The following PPP2R1B variants were observed in gnomAD, a reference collection of about 807,000 sequenced individuals.
PPP2R1B encodes the protein protein phosphatase 2 scaffold subunit Abeta, also known as serine/threonine-protein phosphatase 2A 65 kDa regulatory subunit A beta isoform.
PPP2R1B carries 58 observed loss-of-function variants against 72.7 expected under a neutral mutation model. The ratio of observed to expected loss-of-function variants is 0.80; its 90% CI spans 0.65 to 0.99. PPP2R1B has a LOEUF of 0.99. Ranked by LOEUF, PPP2R1B falls within the 50% of genes least tolerant of loss-of-function variation. The pLI is 0.00. For synonymous variants in PPP2R1B, 256 were observed against 264.6 expected (o/e 0.97, Z 0.32); for missense variants, 695 against 733.6 (o/e 0.95, Z 0.61).
chr11:111,753,619 C>T (rs782820865), intron 8 of PPP2R1B, 42 bp from the exon 9 acceptor site: 1 of 1,557,128 alleles, frequency 6.4e-7, no homozygotes, highest in South Asian at 1.2e-5. Flanking sequence ...TACAAGACAA[C>T]AGAAACTTCC....
chr11:111,749,064 C>CT (rs1468509690), intron 10 of PPP2R1B, among the ~76,000 whole-genome samples: 1 of 152,040 alleles, frequency 6.6e-6, no homozygotes. Flanking sequence ...AGGCTGGTCT[C>CT]TTAACTCCTG....
At chr11:111,706,034 G>T in the PPP2R1B span, among the ~76,000 whole-genome samples, 1 of 152,198 alleles carries the variant, frequency 6.6e-6, no homozygotes, top group Non-Finnish European at 1.5e-5. Context: ...TAGAAGCAGG[G>T]ACTCTGGAGC....
At chr11:111,730,906 G>C (rs12289435) in intron 15 of PPP2R1B, 2 of 152,114 alleles carry the variant, frequency 1.3e-5, no homozygotes, top group East Asian at 3.8e-4. Flanking sequence ...TTGCCTCATC[G>C]GGCCTTGGGT....
chr11:111,749,314 C>T (rs1419998574), intron 10 of PPP2R1B, among the ~76,000 whole-genome samples: 1 of 151,854 alleles, frequency 6.6e-6, no homozygotes, highest in Non-Finnish European at 1.5e-5. Context: ...GACGGAATCT[C>T]TCTCTGTCGC....
the PPP2R1B span, chr11:111,719,746 C>CT: frequency 1.1e-5 from 18 of 1,596,898 alleles, no homozygotes; most frequent in Non-Finnish European, 1.5e-5. Flanking sequence ...AGTGCAGAAA[C>CT]TGAGTTTCCT....
At chr11:111,695,754 C>G in the PPP2R1B span, among the ~76,000 whole-genome samples, 2 of 152,300 alleles carry the variant, frequency 1.3e-5, no homozygotes, top group African/African-American at 4.8e-5. Context: ...TTCATTATTT[C>G]ATTCCAACAA....
chr11:111,694,140 A>T, the PPP2R1B span, among the ~76,000 whole-genome samples: 2 of 152,344 alleles, frequency 1.3e-5, no homozygotes, highest in South Asian at 2.1e-4. Context: ...CACTCAATAC[A>T]AGGTAGCTAT....
In PPP2R1B at chr11:111,753,478, G is replaced by T; in HGVS notation, c.1129C>A (p.Leu377Ile). ...ILGKENTIEH[L>I]LPLFLAQLKD... ...AACTGAGCTAAGAAAAGAGGTAGAA[G>T]ATGTTCAATGGTATTTTCTTTGCCC... The change falls in exon 9 of 15, where the codon CTT (leucine) becomes ATT (isoleucine). Residue 377 changes from leucine (L) to isoleucine (I), a missense_variant. Coordinates refer to ENST00000527614, the MANE Select transcript of PPP2R1B (RefSeq NM_002716.5). The T allele has an allele frequency of 6.2e-7, 1 of 1,613,746 alleles. No individual in the cohort carries two copies.
At chr11:111,705,146 C>T in the PPP2R1B span, 2 of 1,554,480 alleles carry the variant, frequency 1.3e-6, no homozygotes, top group South Asian at 1.3e-5. This position sits in a 1 kb window ranked among gnomAD's most constrained non-coding sequence, Gnocchi z 4.3. Flanking sequence ...CAAGGTAATG[C>T]CCCCTTAGCT....
intron 11 of PPP2R1B, among the ~76,000 whole-genome samples, chr11:111,744,812 G>A (rs1182364700): frequency 6.6e-6 from 1 of 152,126 alleles, no homozygotes; most frequent in Non-Finnish European, 1.5e-5. Flanking sequence ...GAACAAGCAA[G>A]ACAGCATAGA....
At chr11:111,724,097 CCACAA>C (rs763031292), downstream of PPP2R1B, 6 of 1,612,632 alleles carry the variant, frequency 3.7e-6, no homozygotes, top group Non-Finnish European at 5.1e-6. Context: ...CGCTGTGGAT[CCACAA>C]CACAACGGGT....
chr11:111,688,632 G>T, the PPP2R1B span, among the ~76,000 whole-genome samples: 1 of 152,226 alleles, frequency 6.6e-6, no homozygotes, highest in African/African-American at 2.4e-5. The surrounding 1 kb of genome is among the most constrained non-coding windows in gnomAD (Gnocchi z 4.2). Context: ...ATACGATAGG[G>T]TTTTGATTTA....
At chr11:111,726,520 T>C, downstream of PPP2R1B, 1 of 158,602 alleles carries the variant, frequency 6.3e-6, no homozygotes, top group Non-Finnish European at 1.4e-5. Context: ...CCTATTTGCT[T>C]ATCTTGTTTA....
the PPP2R1B span, among the ~76,000 whole-genome samples, chr11:111,717,317 CAAAAAAAAAAAAAA>C: frequency 4.0e-5 from 2 of 49,464 alleles, no homozygotes. Context: ...GACTCCGTCT[CAAAAAAAAAAAAAA>C]AAAAAAAAAA....
intron 15 of PPP2R1B, chr11:111,730,193 T>C (rs1267800909): frequency 6.6e-6 from 1 of 152,198 alleles, no homozygotes; most frequent in Non-Finnish European, 1.5e-5. Context: ...GCTTTAAAAA[T>C]AGAAGTACAA....
At chr11:111,761,947 G>A (rs1249921878) in intron 3 of PPP2R1B, among the ~76,000 whole-genome samples, 1 of 152,034 alleles carries the variant, frequency 6.6e-6, no homozygotes, top group Non-Finnish European at 1.5e-5. Flanking sequence ...GTGACAGAGT[G>A]AGGCTCTTGT....
chr11:111,724,461 G>A (rs1277098260), downstream of PPP2R1B: 30 of 306,346 alleles, frequency 9.8e-5, 1 homozygote, highest in Admixed American at 1.1e-3. Context: ...GATTACATCC[G>A]TTTATTATCA....
chr11:111,730,798 ACT>A (rs1052048889), intron 15 of PPP2R1B: 1 of 152,236 alleles, frequency 6.6e-6, no homozygotes, highest in Admixed American at 6.5e-5. Flanking sequence ...AGGAAAATGT[ACT>A]GTTTTTATGT....
intron 5 of PPP2R1B, 126 bp from the exon 6 acceptor site, chr11:111,755,576 C>T: frequency 1.7e-6 from 1 of 598,218 alleles, no homozygotes; most frequent in Non-Finnish European, 2.5e-6. Context: ...AGTTTCACGT[C>T]TTGACATCTT....
Sources: gnomAD v4.1 joint callset for allele counts (sites outside exome capture counted in the v4.1 genomes callset) on GRCh38, gnomAD v4.1.1 for gene constraint, Gnocchi (gnomAD v3.1) non-coding constraint, MANE v1.5 for transcripts, NCBI Gene and HGNC (gene_info 2026-07-23, HGNC 2026-07-21) for gene names.